The following MED13L variants were observed in gnomAD, a reference collection of about 807,000 sequenced individuals.
MED13L encodes mediator complex subunit 13L.
A neutral mutation model predicts 220.9 loss-of-function variants in MED13L; 7 were observed. That is an observed-to-expected ratio of 0.03 (90% CI 0.02 to 0.06). MED13L has a LOEUF of 0.06. MED13L is among the 10% of genes least tolerant of loss of function. MED13L has a pLI of 1.00. For synonymous variants in MED13L, 1,011 were observed against 1,015.2 expected (o/e 1.00, Z 0.08); for missense variants, 1,965 against 2,760.5 (o/e 0.71, Z 6.46).
chr12:116,218,136 A>G (rs1373911484), intron 2 of MED13L, among the ~76,000 whole-genome samples: 1 of 152,206 alleles, frequency 6.6e-6, no homozygotes, highest in Middle Eastern at 3.2e-3. Context: ...AACTTTTGTC[A>G]AGTCATTTTC....
Position 115,963,445 on chromosome 12 carries a change from T to C in MED13L, c.6462A>G (p.Pro2154=). ...LLPARNSQRV[P]HPLDSKTTSD... is the part of the protein sequence containing the mutation. Reference sequence around the variant, plus strand: ...ACGTGGTTTTGGAGTCAAGAGGGTGTGGAACCCGCTGAGAATTCCTGGCAG... The same window carrying C: ...ACGTGGTTTTGGAGTCAAGAGGGTGCGGAACCCGCTGAGAATTCCTGGCAG... Residue 2154 remains proline (P), a synonymous_variant, in exon 30 of 31, where the codon CCA becomes CCG. Coordinates refer to ENST00000281928, the MANE Select transcript of MED13L (RefSeq NM_015335.5). The C allele has an allele frequency of 6.2e-7, 1 of 1,614,210 alleles. No individual in the cohort carries two copies. Among genetic ancestry groups the C allele is most frequent in the Non-Finnish European group, 8.5e-7 (1 of 1,180,010 alleles).
intron 4 of MED13L, among the ~76,000 whole-genome samples, chr12:116,041,188 G>A (rs1881504152): frequency 6.6e-6 from 1 of 152,138 alleles, no homozygotes. Flanking sequence ...TGGACCTTGG[G>A]GATGGACATA....
chr12:116,183,079 C>T (rs1045820527), intron 2 of MED13L, among the ~76,000 whole-genome samples: 1 of 151,960 alleles, frequency 6.6e-6, no homozygotes. Flanking sequence ...AAAATTGCTT[C>T]GAGAAAAGCT....
At chr12:116,235,614 CA>C (rs1215254136) in intron 2 of MED13L, among the ~76,000 whole-genome samples, 3 of 151,824 alleles carry the variant, frequency 2.0e-5, no homozygotes, top group Non-Finnish European at 4.4e-5. Context: ...AACTCTTTAC[CA>C]AAAAATACTT....
At chr12:116,234,331 G>A (rs879496893) in intron 2 of MED13L, among the ~76,000 whole-genome samples, 3 of 151,846 alleles carry the variant, frequency 2.0e-5, no homozygotes, top group Admixed American at 6.6e-5. Context: ...GGTTTCCAGC[G>A]ACTGTCCTGT....
chr12:116,166,748 A>AAGATTGCACAGACC (rs1225577695), intron 2 of MED13L, among the ~76,000 whole-genome samples: 1 of 152,142 alleles, frequency 6.6e-6, no homozygotes, highest in African/African-American at 2.4e-5. Flanking sequence ...CCTAAATCCA[A>AAGATTGCACAGACC]AGATTGCACA....
intron 4 of MED13L, among the ~76,000 whole-genome samples, chr12:116,090,540 A>G (rs1000220514): frequency 3.9e-5 from 6 of 152,216 alleles, no homozygotes; most frequent in African/African-American, 1.2e-4. Context: ...GGATATATAC[A>G]GAGACATACA....
At chr12:116,050,835 A>T (rs1469846885) in intron 4 of MED13L, among the ~76,000 whole-genome samples, 11 of 152,150 alleles carry the variant, frequency 7.2e-5, no homozygotes, top group Non-Finnish European at 1.3e-4. Flanking sequence ...GCTGTTCAGG[A>T]GGCTGAGGTA....
At chr12:115,992,215 C>T (rs1878110634) in intron 16 of MED13L, among the ~76,000 whole-genome samples, 1 of 152,044 alleles carries the variant, frequency 6.6e-6, no homozygotes, top group Non-Finnish European at 1.5e-5. Context: ...CACATATAAG[C>T]ATCCTCATCC....
intron 2 of MED13L, among the ~76,000 whole-genome samples, chr12:116,217,501 G>A (rs1423707955): frequency 2.6e-5 from 4 of 151,978 alleles, no homozygotes; most frequent in South Asian, 2.1e-4. Flanking sequence ...AGTTCACGTC[G>A]GCCCATGATG....
intron 2 of MED13L, among the ~76,000 whole-genome samples, chr12:116,200,963 C>T (rs1443897136): frequency 6.6e-6 from 1 of 152,040 alleles, no homozygotes; most frequent in East Asian, 1.9e-4. Context: ...CAGATCAGAT[C>T]TGGAGAGAGC....
At chr12:116,047,191 A>C (rs1276710591) in intron 4 of MED13L, among the ~76,000 whole-genome samples, 1 of 152,112 alleles carries the variant, frequency 6.6e-6, no homozygotes. Flanking sequence ...CTCTACAAAA[A>C]GAAAAATAAA....
chr12:116,178,527 T>C (rs997192011), intron 2 of MED13L, among the ~76,000 whole-genome samples: 1 of 152,180 alleles, frequency 6.6e-6, no homozygotes, highest in Non-Finnish European at 1.5e-5. Context: ...AACAGCAATT[T>C]CCCTATTCAT....
intron 3 of MED13L, among the ~76,000 whole-genome samples, chr12:116,100,899 G>A (rs1231243953): frequency 6.6e-6 from 1 of 152,112 alleles, no homozygotes; most frequent in Admixed American, 6.6e-5. Flanking sequence ...GGATGACAGA[G>A]TGAGATCCTG....
At chr12:115,989,193 C>T (rs1269247798) in intron 17 of MED13L, among the ~76,000 whole-genome samples, 1 of 152,144 alleles carries the variant, frequency 6.6e-6, no homozygotes, top group Non-Finnish European at 1.5e-5. Context: ...GTTCAGAAGC[C>T]GGGTTCGCAC....
intron 4 of MED13L, among the ~76,000 whole-genome samples, chr12:116,051,365 T>C (rs1868496563): frequency 1.3e-5 from 2 of 152,104 alleles, no homozygotes; most frequent in Admixed American, 6.6e-5. Flanking sequence ...AAACTAGAAA[T>C]ACAGTTTTAT....
At chr12:116,225,510 T>C (rs536656132) in intron 2 of MED13L, among the ~76,000 whole-genome samples, 48 of 152,230 alleles carry the variant, frequency 3.2e-4, no homozygotes, top group Non-Finnish European at 2.2e-4. Context: ...CAGAGTTGTA[T>C]GTAATTTGTC....
Position 115,975,710 on chromosome 12 carries a change from G to C in MED13L, c.5393C>G (p.Pro1798Arg). ...TTTGATTGGGGCCAATATAAAGGGA[G>C]GGGAGTAAAGCTGGATTGGGCTGGG... The part of the protein sequence containing the change: ...ERPSPIQLYS[P>R]PFILAPIKDK... Residue 1798 changes from proline to arginine, a missense_variant, in exon 24 of 31, where the codon CCT becomes CGT. Physicochemically the swap from Pro to Arg is moderately radical, Grantham distance 103 (BLOSUM62 -2). Coordinates refer to ENST00000281928, the MANE Select transcript of MED13L (RefSeq NM_015335.5). 4 of 1,613,916 alleles carry C rather than the reference G, an allele frequency of 2.5e-6. No individual in the cohort carries two copies. Among genetic ancestry groups the C allele is most frequent in the Non-Finnish European group, 3.4e-6 (4 of 1,179,996 alleles).
intron 4 of MED13L, among the ~76,000 whole-genome samples, chr12:116,036,301 T>C (rs563245871): frequency 6.6e-6 from 1 of 152,136 alleles, no homozygotes; most frequent in Non-Finnish European, 1.5e-5. Flanking sequence ...GAAAATAATA[T>C]GTGTCTAGCT....
Sources: gnomAD v4.1 joint callset for allele counts (sites outside exome capture counted in the v4.1 genomes callset) on GRCh38, gnomAD v4.1.1 for gene constraint, MANE v1.5 for transcripts, NCBI Gene and HGNC (gene_info 2026-07-23, HGNC 2026-07-21) for gene names.